MDGA1: variants seen among roughly 807,000 people sequenced by gnomAD.
The protein encoded by MDGA1 is MAM domain containing glycosylphosphatidylinositol anchor 1, also known as MAM domain-containing glycosylphosphatidylinositol anchor protein 1.
Under a neutral mutation model 101.5 loss-of-function variants are expected in MDGA1, and 54 were observed. The ratio of observed to expected loss-of-function variants is 0.53; its 90% CI spans 0.43 to 0.67. The LOEUF (loss-of-function observed/expected upper bound fraction) is 0.67. Among genes scored for constraint, MDGA1 ranks in the 30% least tolerant of loss-of-function variants. MDGA1 has a pLI of 0.00. For missense variants in MDGA1, 1,083 were observed against 1,323.8 expected, an observed-to-expected ratio of 0.82 and a Z score of 2.82; for synonymous variants, 533 against 558.3, an observed-to-expected ratio of 0.95 and a Z score of 0.64.
intron 1 of MDGA1, among the ~76,000 whole-genome samples, chr6:37,694,049 C>T (rs749494342): frequency 3.0e-4 from 46 of 152,190 alleles, no homozygotes; most frequent in South Asian, 1.0e-3. Context: ...CGCTCTCCAC[C>T]GCCTGCTCGT....
intron 1 of MDGA1, among the ~76,000 whole-genome samples, chr6:37,682,791 ATTAG>A (rs1410498471): frequency 2.6e-5 from 4 of 152,158 alleles, no homozygotes; most frequent in African/African-American, 4.8e-5. Flanking sequence ...TAAATACTGA[ATTAG>A]TTAATTAATC....
rs373370721 is a variant in MDGA1 at position 37,658,387 on chromosome 6, C to T, written c.240G>A (p.Ser80=). 1.1e-4 allele frequency: 185 copies of T among 1,611,352 alleles called. No individual in the cohort carries two copies. Among genetic ancestry groups the T allele is most frequent in the Non-Finnish European group, 1.4e-4 (165 of 1,178,962 alleles). The change falls in exon 3 of 17, where the codon TCG becomes TCA. Residue 80 remains serine (S), a synonymous_variant. Transcript: ENST00000434837. The stretch of plus-strand genomic sequence containing the variant: ...ACACCGATGTCTCCTGGAACTTGTC[C>T]GAGGCGCTACCTGCCGTCTTGGTCC... ...VRWTKTAGSA[S]DKFQETSVFN...
Position 37,696,654 on chromosome 6 carries a change from C to T in MDGA1, c.67+91G>A. 7.7e-7 allele frequency: 1 copy of T among 1,293,398 alleles called. No individual in the cohort carries two copies. Among genetic ancestry groups the T allele is most frequent in the Middle Eastern group, 1.9e-4 (1 of 5,340 alleles). 80.1% of individuals were successfully genotyped at this position (1,293,398 alleles called of 1,614,324 possible). A position where few individuals can be genotyped will look rare whatever the true frequency, so the allele number is the denominator to read the frequency against. On this transcript the variant is annotated intron_variant, in intron 1 of 16. Transcript: ENST00000434837. The surrounding 1 kb of genome is among the most constrained non-coding windows in gnomAD (Gnocchi z 5.6). Reference sequence around the variant, plus strand: ...TCCACTCCAGAGTCCGAGTCGAGGTCTCCACCAAACCCCGGCAGCGCGCAC... The same window carrying T: ...TCCACTCCAGAGTCCGAGTCGAGGTTTCCACCAAACCCCGGCAGCGCGCAC...
At chr6:37,680,750 C>A (rs1762075236) in intron 1 of MDGA1, among the ~76,000 whole-genome samples, 1 of 152,278 alleles carries the variant, frequency 6.6e-6, no homozygotes, top group Non-Finnish European at 1.5e-5. Context: ...AGCAGCCCCC[C>A]TGCCACTTGG....
In MDGA1 at chr6:37,633,690, G is replaced by C. The variant is rs2113986424; in HGVS notation, c.*3678C>G. ...CTGGGATGAGAGGCCAGAATTTGGA[G>C]CCGAGGGCAGGATCCCAGCAACATC... On this transcript the variant is annotated 3_prime_UTR_variant, in exon 17 of 17. Transcript: ENST00000434837. The C allele has an allele frequency of 6.6e-6, 1 of 152,546 alleles. No individual in the cohort carries two copies. The highest frequency in any genetic ancestry group is 1.9e-4 in the East Asian group (1 of 5,188). 9.4% of individuals were successfully genotyped at this position (152,546 alleles called of 1,614,324 possible).
chr6:37,655,792 G>C lies in MDGA1; in HGVS notation c.487C>G (p.Pro163Ala), dbSNP rs1354949867. 1 of 1,613,528 alleles carries C rather than the reference G, an allele frequency of 6.2e-7. No individual in the cohort carries two copies. The highest frequency in any genetic ancestry group is 1.7e-5 in the Admixed American group (1 of 59,960). Residue 163 changes from proline (P) to alanine (A), a missense_variant, in exon 4 of 17, where the codon CCG becomes GCG. By Grantham distance (27) the Pro-to-Ala change is conservative. Coordinates refer to ENST00000434837, the MANE Select transcript of MDGA1 (RefSeq NM_153487.4). The surrounding 1 kb of genome is among the most constrained non-coding windows in gnomAD (Gnocchi z 5.1). ...CGCTTCCAGATGAAGCGGGCAGGCG[G>C]GTTGGAGTTGACAGTACAGCGCAGG... Reference protein sequence around the residue: ...VFLRCTVNSNPPARFIWKRGS... With the variant: ...VFLRCTVNSNAPARFIWKRGS...
chr6:37,643,964 C>A (rs376228664), intron 13 of MDGA1, 21 bp from the exon 14 acceptor site: 1 of 1,611,882 alleles, frequency 6.2e-7, no homozygotes, highest in South Asian at 1.1e-5. Context: ...TGGGGAGATG[C>A]GCCAACAGCC....
At chr6:37,667,864 G>A (rs1385649343) in intron 1 of MDGA1, among the ~76,000 whole-genome samples, 1 of 152,214 alleles carries the variant, frequency 6.6e-6, no homozygotes, top group Non-Finnish European at 1.5e-5. Flanking sequence ...GATGAAGCCT[G>A]ACCAGCAGAC....
At chr6:37,665,356 G>A (rs1161995825) in intron 1 of MDGA1, among the ~76,000 whole-genome samples, 1 of 152,156 alleles carries the variant, frequency 6.6e-6, no homozygotes, top group African/African-American at 2.4e-5. Context: ...TCTAAAGAGG[G>A]GCACAGGGGT....
chr6:37,635,138 G>A lies in MDGA1; in HGVS notation c.*2230C>T, dbSNP rs533336439. Reference sequence around the variant, plus strand: ...TCAACATTTCTTGATGTCCGACTGCGCTCCAGTCCAATTAACTCAGAACCT... The same window carrying A: ...TCAACATTTCTTGATGTCCGACTGCACTCCAGTCCAATTAACTCAGAACCT... On this transcript the variant is annotated 3_prime_UTR_variant, in exon 17 of 17. Transcript: ENST00000434837. 7.0e-4 allele frequency: 165 copies of A among 237,362 alleles called. No individual in the cohort carries two copies. Among genetic ancestry groups the A allele is most frequent in the African/African-American group, 1.5e-3 (68 of 44,784 alleles). The allele number at this position is 237,362 out of a possible 1,614,324, so 14.7% of individuals were successfully genotyped here.
chr6:37,675,885 A>T (rs4714091), intron 1 of MDGA1, among the ~76,000 whole-genome samples: 22,405 of 152,180 alleles, frequency 0.15, 1,828 homozygotes, highest in Admixed American at 0.2. Flanking sequence ...AGATCTGACA[A>T]GCCTGCACCT....
intron 1 of MDGA1, among the ~76,000 whole-genome samples, chr6:37,691,999 G>C (rs1477064823): frequency 2.6e-5 from 4 of 152,198 alleles, no homozygotes; most frequent in African/African-American, 9.7e-5. Context: ...GTGCGGCTTT[G>C]GCTACGGGCA....
rs143849538 is a variant in MDGA1 at position 37,680,142 on chromosome 6, G to A, written c.68-16036C>T. Among the ~76,000 whole-genome samples the A allele has an allele frequency of 3.3e-5, 5 of 152,270 alleles. No individual in the cohort carries two copies. In the East Asian group the frequency reaches 7.7e-4, roughly 23 times the overall value. On this transcript the variant is annotated intron_variant, in intron 1 of 16. Coordinates refer to ENST00000434837, the MANE Select transcript of MDGA1 (RefSeq NM_153487.4). ...ACTCCCCTCCCGGGGGCGGGGGTGG[G>A]GCGCTGACACACCAGGGAAGGCAAA...
intron 1 of MDGA1, among the ~76,000 whole-genome samples, chr6:37,687,464 G>A (rs990579778): frequency 6.0e-5 from 9 of 151,014 alleles, no homozygotes; most frequent in East Asian, 1.9e-4. Context: ...AGCTACTCAC[G>A]AGGCTGAGGT....
intron 16 of MDGA1, among the ~76,000 whole-genome samples, chr6:37,637,675 A>G (rs1763961744): frequency 6.6e-6 from 1 of 152,064 alleles, no homozygotes; most frequent in Non-Finnish European, 1.5e-5. Flanking sequence ...GTTCACATTC[A>G]CTAAGACTTG....
rs750473968 is a variant in MDGA1, at chr6:37,658,364, A to G, written c.263T>C (p.Val88Ala). Residue 88 changes from valine (V) to alanine (A), a missense_variant, in exon 3 of 17, where the codon GTG becomes GCG. Transcript: ENST00000434837. ...CTCGATGCGCAGCGTCTCGTTGAAC[A>G]CCGATGTCTCCTGGAACTTGTCCGA... Reference protein sequence around the residue: ...SASDKFQETSVFNETLRIERI... With the variant: ...SASDKFQETSAFNETLRIERI... The G allele has an allele frequency of 1.2e-6, 2 of 1,612,934 alleles. No individual in the cohort carries two copies. The highest frequency in any genetic ancestry group is 1.1e-5 in the South Asian group (1 of 90,982).
At chr6:37,649,391 G>A (rs991924614) in intron 8 of MDGA1, 125 bp from the exon 9 acceptor site, 6 of 1,379,804 alleles carry the variant, frequency 4.3e-6, no homozygotes, top group African/African-American at 3.1e-5. Context: ...ATCCCAGGGC[G>A]GATGCACACT....
At chr6:37,641,152 C>T (rs1412621026) in intron 14 of MDGA1, among the ~76,000 whole-genome samples, 1 of 152,188 alleles carries the variant, frequency 6.6e-6, no homozygotes, top group Admixed American at 6.5e-5. Flanking sequence ...GTCTTGCTGG[C>T]TCTCCTTGGT....
At chr6:37,666,286 G>A (rs1761750149) in intron 1 of MDGA1, among the ~76,000 whole-genome samples, 1 of 151,306 alleles carries the variant, frequency 6.6e-6, no homozygotes, top group Admixed American at 6.6e-5. Flanking sequence ...CTTGAACCTG[G>A]GAGGTGGAAG....
Sources: gnomAD v4.1 joint callset for allele counts (sites outside exome capture counted in the v4.1 genomes callset) on GRCh38, gnomAD v4.1.1 for gene constraint, Gnocchi (gnomAD v3.1) non-coding constraint, MANE v1.5 for transcripts, NCBI Gene and HGNC (gene_info 2026-07-23, HGNC 2026-07-21) for gene names.